Variants in PALM observed in about 807,000 individuals in gnomAD.
PALM encodes paralemmin, also known as paralemmin-1.
PALM carries 18 observed loss-of-function variants against 30.7 expected under a neutral mutation model. That is an observed-to-expected ratio of 0.59 (90% CI 0.41 to 0.87). PALM has a LOEUF of 0.87. Ranked by LOEUF, PALM falls within the 40% of genes least tolerant of loss-of-function variation. The pLI is 0.00. For synonymous variants in PALM, 286 were observed against 242.8 expected, an observed-to-expected ratio of 1.18 and a Z score of -1.66; for missense variants, 529 against 555.4, an observed-to-expected ratio of 0.95 and a Z score of 0.48.
At chr19:739,151 G>A (rs2033113446) in intron 7 of PALM, among the ~76,000 whole-genome samples, 1 of 152,182 alleles carries the variant, frequency 6.6e-6, no homozygotes, top group Non-Finnish European at 1.5e-5. Context: ...GTGGGGCGAG[G>A]TGCTGGCTGT....
chr19:737,519 C>T (rs912012632), intron 7 of PALM, among the ~76,000 whole-genome samples: 1 of 152,116 alleles, frequency 6.6e-6, no homozygotes, highest in Admixed American at 6.6e-5. Flanking sequence ...AGGCCAAGGA[C>T]GTTGAGCTGG....
At chr19:733,040 C>T (rs2032920482) in intron 5 of PALM, among the ~76,000 whole-genome samples, 3 of 152,104 alleles carry the variant, frequency 2.0e-5, no homozygotes, top group African/African-American at 7.2e-5. Flanking sequence ...GATTCTCCTG[C>T]CTTAGCCTCC....
intron 1 of PALM, among the ~76,000 whole-genome samples, chr19:723,701 C>T (rs2032571051): frequency 6.6e-6 from 1 of 152,198 alleles, no homozygotes; most frequent in Non-Finnish European, 1.5e-5. Context: ...ATCAATTCTC[C>T]TGCCTCAGCT....
In PALM at chr19:709,361, G is replaced by A. The variant is rs1369360198; in HGVS notation, c.5+210G>A. On this transcript the variant is annotated intron_variant, in intron 1 of 8. Transcript: ENST00000338448. The surrounding 1 kb of genome is among the most constrained non-coding windows in gnomAD (Gnocchi z 4.3). ...GGAGGCCTCCCCGCTCCCGGACCCC[G>A]GCTGCCCACCCACCGGCGCGTGGGG... is the stretch of plus-strand genomic sequence containing the variant. Among the ~76,000 whole-genome samples the A allele has an allele frequency of 6.6e-6, 1 of 151,432 alleles. No individual in the cohort carries two copies. The highest frequency in any genetic ancestry group is 1.5e-5 in the Non-Finnish European group (1 of 67,770).
chr19:710,352 C>T (rs545105576), intron 1 of PALM, among the ~76,000 whole-genome samples: 1 of 152,296 alleles, frequency 6.6e-6, no homozygotes, highest in South Asian at 2.1e-4. Context: ...CCCGTCACCC[C>T]GCCCCGGGAG....
chr19:731,563 A>G (rs62131302), intron 5 of PALM, among the ~76,000 whole-genome samples: 2,462 of 80,350 alleles, frequency 0.031, 103 homozygotes, highest in African/African-American at 0.095. Context: ...CAGGAGACCC[A>G]CCTGGGGGCA....
chr19:724,720 A>G (rs527559593), intron 1 of PALM, among the ~76,000 whole-genome samples: 3 of 151,944 alleles, frequency 2.0e-5, no homozygotes, highest in African/African-American at 7.3e-5. Flanking sequence ...AGGCTCAAGC[A>G]GTCCTCCCAC....
Position 746,617 on chromosome 19 carries a change from A to G in PALM, c.967A>G (p.Thr323Ala). ...CAAGAAGGTGCTGGGCCTTCAAGATACCATCACGGCGGAGCTGGTGGTCAT... is the reference window on the plus strand; with the variant it reads ...CAAGAAGGTGCTGGGCCTTCAAGATGCCATCACGGCGGAGCTGGTGGTCAT... The part of the protein sequence containing the change: ...ETKKVLGLQD[T>A]ITAELVVIED... The change falls in exon 9 of 9, where the codon ACC becomes GCC. Residue 323 changes from threonine (T) to alanine (A), a missense_variant. Physicochemically the swap from Thr to Ala is moderately conservative, Grantham distance 58. Coordinates refer to ENST00000338448, the MANE Select transcript of PALM (RefSeq NM_002579.3). The surrounding 1 kb of genome is among the most constrained non-coding windows in gnomAD (Gnocchi z 7.1). The G allele has an allele frequency of 6.2e-7, 1 of 1,613,114 alleles. No homozygotes were observed. Among genetic ancestry groups the G allele is most frequent in the Non-Finnish European group, 8.5e-7 (1 of 1,179,852 alleles).
At chr19:719,424 G>C (rs2032380678) in intron 1 of PALM, 2 of 985,258 alleles carry the variant, frequency 2.0e-6, no homozygotes, top group Admixed American at 6.2e-5. Context: ...ACCGCCACAC[G>C]CCGTAAAAAG....
chr19:727,209 G>GCCCTGACCCTGACCCCAA lies in PALM; in HGVS notation c.138+137_138+138insAACCCTGACCCTGACCCC, dbSNP rs773969460. 6.0e-3 allele frequency: 3,578 copies of GCCCTGACCCTGACCCCAA among 597,798 alleles called. 491 individuals are homozygous for GCCCTGACCCTGACCCCAA. The highest frequency in any genetic ancestry group is 0.012 in the Admixed American group (372 of 32,004). 37.0% of individuals were successfully genotyped at this position (597,798 alleles called of 1,614,324 possible). ...CAACCTGACCCTGACCCTGCCTCCA[G>GCCCTGACCCTGACCCCAA]CCCTGACCCTGACCCCGACCCTGAC... On this transcript the variant is annotated intron_variant, in intron 3 of 8. Transcript: ENST00000338448.
At chr19:712,508 C>T (rs775234392) in intron 1 of PALM, among the ~76,000 whole-genome samples, 13 of 149,352 alleles carry the variant, frequency 8.7e-5, no homozygotes, top group Non-Finnish European at 1.8e-4. Flanking sequence ...CTCAGCCTCC[C>T]GAGTAGCTGG....
rs57890977 is a variant in PALM, at chr19:709,902, C to CTG, written c.5+760_5+761dup. Among the ~76,000 whole-genome samples, 11,313 of 146,834 alleles carry CTG rather than the reference C, an allele frequency of 0.077. 478 individuals carry two copies. The highest frequency in any genetic ancestry group is 0.13 in the Middle Eastern group (39 of 292). ...TCCCTGGACCCCCGCATGGCTGCGC[C>CTG]TGTGTGTGTGGGGGGGGGGTGGCCA... is the stretch of plus-strand genomic sequence containing the variant. On this transcript the variant is annotated intron_variant, in intron 1 of 8. Transcript: ENST00000338448. This position sits in a 1 kb window ranked among gnomAD's most constrained non-coding sequence, Gnocchi z 4.3.
rs944537227 is a variant in PALM, at chr19:719,952, G to A, written c.6-6186G>A. Among the ~76,000 whole-genome samples the A allele has an allele frequency of 2.0e-4, 31 of 152,294 alleles. No individual in the cohort carries two copies. The East Asian group carries it at 2.1e-3, about 10-fold the overall frequency. On this transcript the variant is annotated intron_variant, in intron 1 of 8. Transcript: ENST00000338448. ...TCGCTTAATTTTTCCAATCTGTGAC[G>A]TGGAGCGTTCTGTCGGCCTGACCTT...
At chr19:745,119 G>T (rs1269173398) in intron 8 of PALM, among the ~76,000 whole-genome samples, 1 of 152,200 alleles carries the variant, frequency 6.6e-6, no homozygotes, top group Non-Finnish European at 1.5e-5. Context: ...GGTGGAGGTT[G>T]CAGTGAACTG....
At chr19:715,154 G>C (rs1209773949) in intron 1 of PALM, among the ~76,000 whole-genome samples, 2 of 152,164 alleles carry the variant, frequency 1.3e-5, no homozygotes, top group Non-Finnish European at 2.9e-5. Context: ...TATAATCCCA[G>C]CTACTCGGGA....
chr19:735,838 G>A (rs1263340573), intron 6 of PALM, among the ~76,000 whole-genome samples, 181 bp from the exon 7 acceptor site: 2 of 150,566 alleles, frequency 1.3e-5, no homozygotes, highest in Admixed American at 6.6e-5. Flanking sequence ...GAGGGCCCAG[G>A]TGCCTGTCTG....
At chr19:741,691 G>A (rs1163418670) in intron 8 of PALM, among the ~76,000 whole-genome samples, 3 of 151,992 alleles carry the variant, frequency 2.0e-5, no homozygotes, top group African/African-American at 7.3e-5. Flanking sequence ...GGGAAGCCTT[G>A]GGTGCGTTGG....
chr19:746,622 C>G lies in PALM; in HGVS notation c.972C>G (p.Ile324Met). The change falls in exon 9 of 9, where the codon ATC becomes ATG. Residue 324 changes from isoleucine to methionine, a missense_variant. Coordinates refer to ENST00000338448, the MANE Select transcript of PALM (RefSeq NM_002579.3). This position sits in a 1 kb window ranked among gnomAD's most constrained non-coding sequence, Gnocchi z 7.1. ...TKKVLGLQDT[I>M]TAELVVIEDA... ...AGGTGCTGGGCCTTCAAGATACCAT[C>G]ACGGCGGAGCTGGTGGTCATCGAAG... 6.2e-7 allele frequency: 1 copy of G among 1,613,180 alleles called. No homozygotes were observed. The highest frequency in any genetic ancestry group is 8.5e-7 in the Non-Finnish European group (1 of 1,179,888).
chr19:715,258 C>T (rs1433218755), intron 1 of PALM, among the ~76,000 whole-genome samples: 7 of 151,834 alleles, frequency 4.6e-5, no homozygotes, highest in Non-Finnish European at 1.0e-4. Context: ...ACAGACAGAG[C>T]GAGACTCCGT....
Sources: gnomAD v4.1 joint callset for allele counts (sites outside exome capture counted in the v4.1 genomes callset) on GRCh38, gnomAD v4.1.1 for gene constraint, Gnocchi (gnomAD v3.1) non-coding constraint, MANE v1.5 for transcripts, NCBI Gene and HGNC (gene_info 2026-07-23, HGNC 2026-07-21) for gene names.